ANKDD1B: variants seen among roughly 807,000 people sequenced by gnomAD.
ANKDD1B encodes ankyrin repeat and death domain-containing protein 1B.
A neutral mutation model predicts 59.7 loss-of-function variants in ANKDD1B; 57 were observed. The ratio of observed to expected loss-of-function variants is 0.95; its 90% CI spans 0.77 to 1.19. The LOEUF is 1.19. Ranked by LOEUF, ANKDD1B falls within the 50% of genes most tolerant of loss-of-function variation. ANKDD1B has a pLI of 0.00. For missense variants in ANKDD1B, 602 were observed against 641.9 expected, an observed-to-expected ratio of 0.94 and a Z score of 0.67; for synonymous variants, 216 against 239.5, an observed-to-expected ratio of 0.90 and a Z score of 0.91.
intron 12 of ANKDD1B, among the ~76,000 whole-genome samples, chr5:75,667,771 C>G (rs1172876321): frequency 6.6e-6 from 1 of 152,186 alleles, no homozygotes; most frequent in African/African-American, 2.4e-5. Flanking sequence ...GCACTGCCCT[C>G]TCATGGACAT....
rs1287326868 is a variant in ANKDD1B at position 75,644,089 on chromosome 5, T to C, written c.798+8207T>C. 1.1e-3 allele frequency among the ~76,000 whole-genome samples: 112 copies of C among 106,412 alleles called. 1 individual carries two copies. Among genetic ancestry groups the C allele is most frequent in the Non-Finnish European group, 1.7e-3 (102 of 59,718 alleles). The allele number at this position is 106,412 out of a possible 152,430, so 69.8% of individuals were successfully genotyped here. A position where few individuals can be genotyped will look rare whatever the true frequency, so the allele number is the denominator to read the frequency against. On this transcript the variant is annotated intron_variant, in intron 7 of 13. Transcript: ENST00000601380. ...ACCAGGCCTGCCCTAAAAGAGCTCC[T>C]GAAGGAAGCGCTAAACATGGAAAGG...
intron 1 of ANKDD1B, among the ~76,000 whole-genome samples, chr5:75,613,938 C>T (rs1483536512): frequency 6.6e-6 from 1 of 152,166 alleles, no homozygotes; most frequent in Non-Finnish European, 1.5e-5. Flanking sequence ...CCAGCCTGGA[C>T]CACGTAACGA....
At position 75,671,534 on chromosome 5, in the gene ANKDD1B, T is replaced by G. The variant is rs1184691320; in HGVS notation, c.*494T>G. On this transcript the variant is annotated 3_prime_UTR_variant, in exon 14 of 14. Coordinates refer to ENST00000601380, the MANE Select transcript of ANKDD1B (RefSeq NM_001276713.2). ...TTAATCCATAGGGTTGGAATGAAGA[T>G]GAAGGGAAAATGCCTGTGTAGCCTC... 6.6e-6 allele frequency: 1 copy of G among 152,212 alleles called. No homozygotes were observed. Among genetic ancestry groups the G allele is most frequent in the Admixed American group, 6.5e-5 (1 of 15,278 alleles). 9.4% of individuals were successfully genotyped at this position (152,212 alleles called of 1,614,324 possible).
At chr5:75,632,422 A>G (rs964920186) in intron 5 of ANKDD1B, among the ~76,000 whole-genome samples, 3 of 152,218 alleles carry the variant, frequency 2.0e-5, no homozygotes, top group African/African-American at 7.2e-5. Context: ...GGTGGCAAAG[A>G]GGACTACTAA....
rs562915095 is a variant in ANKDD1B, at chr5:75,628,724, T to A, written c.600+2769T>A. 7.5e-4 allele frequency among the ~76,000 whole-genome samples: 114 copies of A among 152,234 alleles called. 1 individual carries two copies. The highest frequency in any genetic ancestry group is 2.7e-3 in the African/African-American group (112 of 41,540). On this transcript the variant is annotated intron_variant, in intron 5 of 13. Transcript: ENST00000601380. The stretch of plus-strand genomic sequence containing the variant: ...ATGGATTTAACTAGGCCAGGGGGAA[T>A]TTGGGTGGGGAGAGATGGAGGTTGC...
At chr5:75,666,417 A>G (rs17563395) in intron 11 of ANKDD1B, among the ~76,000 whole-genome samples, 10,223 of 152,164 alleles carry the variant, frequency 0.067, 364 homozygotes, top group South Asian at 0.11. Context: ...GAGAACATCA[A>G]ATACCCAAAA....
chr5:75,624,937 C>T (rs966876040), intron 3 of ANKDD1B, among the ~76,000 whole-genome samples: 1 of 152,060 alleles, frequency 6.6e-6, no homozygotes, highest in African/African-American at 2.4e-5. Flanking sequence ...GTTGTAGCAC[C>T]AATTCATTAT....
At chr5:75,667,046 A>G (rs1250502148) in intron 12 of ANKDD1B, 53 bp downstream of exon 12, 1 of 1,218,604 alleles carries the variant, frequency 8.2e-7, no homozygotes, top group Non-Finnish European at 1.1e-6. Flanking sequence ...TAGGAACAGC[A>G]GTGCCTCCTG....
chr5:75,637,088 A>G (rs907534565), intron 7 of ANKDD1B, among the ~76,000 whole-genome samples: 6 of 151,674 alleles, frequency 4.0e-5, no homozygotes, highest in Non-Finnish European at 7.4e-5. Flanking sequence ...TCTACTAAAA[A>G]TACAAAATTA....
intron 8 of ANKDD1B, 56 bp downstream of exon 8, chr5:75,653,296 T>C: frequency 8.2e-7 from 1 of 1,221,960 alleles, no homozygotes; most frequent in Non-Finnish European, 1.2e-6. Context: ...GTTGGCTGTG[T>C]CAGGGAGATG....
intron 8 of ANKDD1B, among the ~76,000 whole-genome samples, chr5:75,653,982 A>G (rs62366641): frequency 7.9e-4 from 121 of 152,372 alleles, no homozygotes; most frequent in Non-Finnish European, 1.6e-3. Flanking sequence ...AAGAAGGCCA[A>G]TGCCCACTTC....
At chr5:75,664,861 G>A (rs1442269203) in intron 11 of ANKDD1B, among the ~76,000 whole-genome samples, 3 of 152,146 alleles carry the variant, frequency 2.0e-5, no homozygotes, top group Non-Finnish European at 4.4e-5. Flanking sequence ...GACAATTGGG[G>A]TCCTGGGGTC....
chr5:75,651,546 G>C (rs981876303), intron 7 of ANKDD1B, among the ~76,000 whole-genome samples: 1 of 152,204 alleles, frequency 6.6e-6, no homozygotes, highest in Non-Finnish European at 1.5e-5. Flanking sequence ...TAGAAATTAT[G>C]CTGAGCATTG....
At chr5:75,626,006 A>C in intron 5 of ANKDD1B, 51 bp downstream of exon 5, 21 of 1,308,728 alleles carry the variant, frequency 1.6e-5, no homozygotes, top group Middle Eastern at 1.9e-4. Flanking sequence ...ATCAAATTTC[A>C]CTTTCTTCCT....
intron 9 of ANKDD1B, among the ~76,000 whole-genome samples, chr5:75,658,554 G>A (rs10515215): frequency 0.062 from 9,418 of 152,102 alleles, 457 homozygotes; most frequent in South Asian, 0.17. Context: ...ACATTATAAC[G>A]TAGAAAATTT....
At chr5:75,667,875 CTATT>C (rs1775353187) in intron 12 of ANKDD1B, among the ~76,000 whole-genome samples, 1 of 152,176 alleles carries the variant, frequency 6.6e-6, no homozygotes, top group South Asian at 2.1e-4. Context: ...TGAGCACACA[CTATT>C]TATACCACAT....
At chr5:75,620,254 G>T in intron 2 of ANKDD1B, 61 bp from the exon 3 acceptor site, 3 of 837,794 alleles carry the variant, frequency 3.6e-6, no homozygotes, top group Non-Finnish European at 5.5e-6. Context: ...TCAAGAAACA[G>T]GAAACCTAAA....
chr5:75,654,131 C>T (rs763877538), intron 8 of ANKDD1B, among the ~76,000 whole-genome samples: 13 of 152,208 alleles, frequency 8.5e-5, no homozygotes, highest in Non-Finnish European at 1.8e-4. Flanking sequence ...CTGCTCTGAC[C>T]CTTGCTGGCC....
At chr5:75,618,664 G>A (rs1285425450) in intron 2 of ANKDD1B, among the ~76,000 whole-genome samples, 1 of 152,102 alleles carries the variant, frequency 6.6e-6, no homozygotes, top group African/African-American at 2.4e-5. Flanking sequence ...ATTAATAGTG[G>A]AGCTTATAAG....
Sources: gnomAD v4.1 joint callset for allele counts (sites outside exome capture counted in the v4.1 genomes callset) on GRCh38, gnomAD v4.1.1 for gene constraint, MANE v1.5 for transcripts, NCBI Gene and HGNC (gene_info 2026-07-23, HGNC 2026-07-21) for gene names.